The following HSD3B1 variants were observed in gnomAD, a reference collection of about 807,000 sequenced individuals.
HSD3B1 encodes the protein hydroxy-delta-5-steroid dehydrogenase, 3 beta- and steroid delta-isomerase 1.
A neutral mutation model predicts 10.4 loss-of-function variants in HSD3B1; 11 were observed. The ratio of observed to expected loss-of-function variants is 1.05; its 90% CI spans 0.66 to 1.75. HSD3B1 has a LOEUF of 1.75. Among genes scored for constraint, HSD3B1 ranks in the 40% most tolerant of loss-of-function variants. The pLI is 0.00. For missense variants in HSD3B1, 490 were observed against 454.5 expected, an observed-to-expected ratio of 1.08 and a Z score of -0.71; for synonymous variants, 217 against 185.4, an observed-to-expected ratio of 1.17 and a Z score of -1.39.
Position 119,514,571 on chromosome 1 carries a change from A to C in HSD3B1, c.1048A>C (p.Lys350Gln). ...GCCACTCTACAGCTGGGAGGAAGCC[A>C]AGCAGAAAACGGTGGAGTGGGTTGG... Reference protein sequence around the residue: ...YKPLYSWEEAKQKTVEWVGSL... With the variant: ...YKPLYSWEEAQQKTVEWVGSL... The change falls in exon 4 of 4, where the codon AAG becomes CAG. Residue 350 changes from lysine (K) to glutamine (Q), a missense_variant. Physicochemically the swap from Lys to Gln is moderately conservative, Grantham distance 53. Transcript: ENST00000369413. 8 of 1,613,956 alleles carry C rather than the reference A, an allele frequency of 5.0e-6. No individual in the cohort carries two copies. Among genetic ancestry groups the C allele is most frequent in the Non-Finnish European group, 6.8e-6 (8 of 1,179,988 alleles).
Position 119,511,529 on chromosome 1 carries a change from G to GTGC in HSD3B1, c.175_177dup (p.Leu59dup). ...ACTCCAGAACAAGACCAAGCTGACA[G>GTGC]TGCTGGAAGGAGACATTCTGGATGA... On this transcript the variant is annotated inframe_insertion, in exon 3 of 4. Coordinates refer to ENST00000369413, the MANE Select transcript of HSD3B1 (RefSeq NM_000862.3). The GTGC allele has an allele frequency of 6.2e-7, 1 of 1,613,836 alleles. No homozygotes were observed. Among genetic ancestry groups the GTGC allele is most frequent in the East Asian group, 2.2e-5 (1 of 44,852 alleles).
rs33937873 is a variant in HSD3B1, at chr1:119,514,462, G to C, written c.939G>C (p.Pro313=). The change falls in exon 4 of 4, where the codon CCG becomes CCC. Residue 313 remains proline (P), a synonymous_variant. Coordinates refer to ENST00000369413, the MANE Select transcript of HSD3B1 (RefSeq NM_000862.3). ...FLLRPIYTYR[P]PFNRHIVTLS... Reference sequence around the variant, plus strand: ...TCAGGCCAATTTACACCTATCGACCGCCCTTCAACCGCCACATAGTCACAT... The same window carrying C: ...TCAGGCCAATTTACACCTATCGACCCCCCTTCAACCGCCACATAGTCACAT... The C allele has an allele frequency of 3.1e-6, 5 of 1,613,738 alleles. No individual in the cohort carries two copies. In the East Asian group the frequency reaches 6.7e-5, roughly 22 times the overall value.
Position 119,511,624 on chromosome 1 carries a change from C to A in HSD3B1, c.267C>A (p.Phe89Leu), listed in dbSNP as rs757262979. 28 of 1,609,976 alleles carry A rather than the reference C, an allele frequency of 1.7e-5. No homozygotes were observed. Among genetic ancestry groups the A allele is most frequent in the Non-Finnish European group, 2.3e-5 (27 of 1,178,804 alleles). The stretch of plus-strand genomic sequence containing the variant: ...ACACCGCCTGTATCATTGATGTCTT[C>A]GGTGTCACTCACAGAGAGTCTATCA... ...IIHTACIIDV[F>L]GVTHRESIMN... The change falls in exon 3 of 4, where the codon TTC becomes TTA. Residue 89 changes from phenylalanine to leucine, a missense_variant. By Grantham distance (22) the Phe-to-Leu change is conservative. Transcript: ENST00000369413.
chr1:119,507,921 C>T (rs1317410336), intron 2 of HSD3B1: 6 of 320,530 alleles, frequency 1.9e-5, no homozygotes, highest in Non-Finnish European at 3.0e-5. Flanking sequence ...TTTGTCTTGT[C>T]TGCAACTCTT....
At chr1:119,507,841 G>A (rs1653832850) in intron 2 of HSD3B1, 2 of 454,154 alleles carry the variant, frequency 4.4e-6, no homozygotes. Flanking sequence ...CCCTGACCCA[G>A]AACTTGAGAA....
intron 2 of HSD3B1, among the ~76,000 whole-genome samples, chr1:119,509,009 G>T (rs1382865335): frequency 6.6e-6 from 1 of 152,206 alleles, no homozygotes; most frequent in Non-Finnish European, 1.5e-5. Flanking sequence ...TAAAAATGCA[G>T]ATCATATAAT....
At position 119,511,590 on chromosome 1, in the gene HSD3B1, T is replaced by C. The variant is rs1653940057; in HGVS notation, c.233T>C (p.Val78Ala). The part of the protein sequence containing the change: ...FLKRACQDVS[V>A]IIHTACIIDV... ...AAGAGAGCCTGCCAGGACGTCTCGG[T>C]CATCATCCACACCGCCTGTATCATT... The change falls in exon 3 of 4, where the codon GTC (valine) becomes GCC (alanine). Residue 78 changes from valine (V) to alanine (A), a missense_variant. Val to Ala is a moderately conservative substitution (Grantham distance 64). Transcript: ENST00000369413. 1.2e-6 allele frequency: 2 copies of C among 1,613,716 alleles called. No individual in the cohort carries two copies. The highest frequency in any genetic ancestry group is 1.1e-5 in the South Asian group (1 of 91,056).
chr1:119,510,712 GTTTTCTTTTTTTTTTTTTT>G (rs533127221), intron 2 of HSD3B1, among the ~76,000 whole-genome samples: 3,185 of 38,996 alleles, frequency 0.082, 397 homozygotes, highest in African/African-American at 0.16. Flanking sequence ...TGCTTGTGTG[GTTTTCTTTTTTTTTTTTTT>G]TTTTTTTTTT....
chr1:119,514,334 A>G lies in HSD3B1; in HGVS notation c.811A>G (p.Thr271Ala). ...PHQSYDNLNY[T>A]LSKEFGLRLD... ...CCAAAGCTATGATAACCTTAATTAC[A>G]CCCTGAGCAAAGAGTTCGGCCTCCG... Residue 271 changes from threonine to alanine, a missense_variant, in exon 4 of 4, where the codon ACC becomes GCC. Thr to Ala is a moderately conservative substitution (Grantham distance 58). Coordinates refer to ENST00000369413, the MANE Select transcript of HSD3B1 (RefSeq NM_000862.3). 6.2e-7 allele frequency: 1 copy of G among 1,613,796 alleles called. No homozygotes were observed. The highest frequency in any genetic ancestry group is 8.5e-7 in the Non-Finnish European group (1 of 1,179,958).
intron 3 of HSD3B1, among the ~76,000 whole-genome samples, chr1:119,512,422 C>T (rs1342206809): frequency 8.2e-4 from 124 of 152,068 alleles, no homozygotes; most frequent in Non-Finnish European, 1.2e-4. Flanking sequence ...AGACACATTT[C>T]CTTAAGGAAT....
Position 119,514,734 on chromosome 1 carries a change from G to A in HSD3B1, c.*89G>A. On this transcript the variant is annotated 3_prime_UTR_variant, in exon 4 of 4. Transcript: ENST00000369413. The stretch of plus-strand genomic sequence containing the variant: ...TGGCCTCATACAGAAAGTGACAAGG[G>A]CACAAGCTCAGGTCCTGCTGCCTCC... 2 of 1,445,304 alleles carry A rather than the reference G, an allele frequency of 1.4e-6. No homozygotes were observed. Among genetic ancestry groups the A allele is most frequent in the African/African-American group, 1.4e-5 (1 of 71,284 alleles). The allele number at this position is 1,445,304 out of a possible 1,614,324, so 89.5% of individuals were successfully genotyped here.
In HSD3B1 at chr1:119,514,776, A is replaced by T; in HGVS notation, c.*131A>T. 1 of 958,406 alleles carries T rather than the reference A, an allele frequency of 1.0e-6. No individual in the cohort carries two copies. The highest frequency in any genetic ancestry group is 1.6e-6 in the Non-Finnish European group (1 of 615,446). 59.4% of individuals were successfully genotyped at this position (958,406 alleles called of 1,614,324 possible). A position where few individuals can be genotyped will look rare whatever the true frequency, so the allele number is the denominator to read the frequency against. On this transcript the variant is annotated 3_prime_UTR_variant, in exon 4 of 4. Transcript: ENST00000369413. ...GCTGCCTCCCTTTCATACAATGGCC[A>T]ACTTATTGTATTCCTCATGTCATCA...
At chr1:119,511,440 T>G (rs1187919406) in intron 2 of HSD3B1, 63 bp from the exon 3 acceptor site, 11 of 1,547,466 alleles carry the variant, frequency 7.1e-6, no homozygotes, top group Non-Finnish European at 9.8e-6. Context: ...ACATCACCTT[T>G]ATCAGAAAAC....
chr1:119,509,808 T>A (rs1184669804), intron 2 of HSD3B1, among the ~76,000 whole-genome samples: 2 of 152,236 alleles, frequency 1.3e-5, no homozygotes, highest in Non-Finnish European at 2.9e-5. Flanking sequence ...CTCTCACTGG[T>A]CTTTGGTCTT....
At chr1:119,513,325 T>C (rs1653990528) in intron 3 of HSD3B1, among the ~76,000 whole-genome samples, 1 of 152,146 alleles carries the variant, frequency 6.6e-6, no homozygotes, top group Non-Finnish European at 1.5e-5. Context: ...GTACCAACAA[T>C]TTCATATATA....
intron 2 of HSD3B1, among the ~76,000 whole-genome samples, chr1:119,510,712 G>GCTTTCT (rs1653907366): frequency 5.1e-5 from 2 of 39,060 alleles, no homozygotes. Flanking sequence ...TGCTTGTGTG[G>GCTTTCT]TTTTCTTTTT....
rs1214949567 is a variant in HSD3B1, at chr1:119,513,811, G to A, written c.311-23G>A. On this transcript the variant is annotated intron_variant, in intron 3 of 3. Coordinates refer to ENST00000369413, the MANE Select transcript of HSD3B1 (RefSeq NM_000862.3). ...CCTCTTAGGGATATATCCTGACAGT[G>A]ACAATATGCTCTTCATGGACAGGTA... 6 of 1,610,866 alleles carry A rather than the reference G, an allele frequency of 3.7e-6. No individual in the cohort carries two copies. In the East Asian group the frequency reaches 1.1e-4, roughly 30 times the overall value.
At chr1:119,513,107 G>C (rs587629439) in intron 3 of HSD3B1, among the ~76,000 whole-genome samples, 1 of 152,296 alleles carries the variant, frequency 6.6e-6, no homozygotes, top group South Asian at 2.1e-4. Context: ...GGAAATGCCA[G>C]GGCAGGGTTT....
chr1:119,508,258 G>A (rs1297513551), intron 2 of HSD3B1, among the ~76,000 whole-genome samples: 2 of 151,408 alleles, frequency 1.3e-5, no homozygotes, highest in Non-Finnish European at 2.9e-5. Flanking sequence ...GAGAGAGAGA[G>A]CATCAGTGAG....
Sources: gnomAD v4.1 joint callset for allele counts (sites outside exome capture counted in the v4.1 genomes callset) on GRCh38, gnomAD v4.1.1 for gene constraint, MANE v1.5 for transcripts, NCBI Gene and HGNC (gene_info 2026-07-23, HGNC 2026-07-21) for gene names.